SPIDR: variants seen among roughly 807,000 people sequenced by gnomAD.
SPIDR encodes the protein scaffold protein involved in DNA repair.
A neutral mutation model predicts 104.6 loss-of-function variants in SPIDR; 93 were observed. That is an observed-to-expected ratio of 0.89 (90% CI 0.75 to 1.06). SPIDR has a LOEUF of 1.06. Among genes scored for constraint, SPIDR ranks in the 50% least tolerant of loss-of-function variants. The pLI, the probability that SPIDR is intolerant of heterozygous loss-of-function variation, is 0.00. For synonymous variants in SPIDR, 431 were observed against 416.9 expected (o/e 1.03, Z -0.41); for missense variants, 1,154 against 1,111.2 (o/e 1.04, Z -0.55).
At chr8:47,577,985 T>G (rs1001946588) in intron 8 of SPIDR, among the ~76,000 whole-genome samples, 4 of 152,200 alleles carry the variant, frequency 2.6e-5, no homozygotes, top group African/African-American at 9.6e-5. Context: ...GGAAGAGTAG[T>G]GCTGGCAAGA....
At chr8:47,727,506 T>C (rs1053542577) in intron 17 of SPIDR, among the ~76,000 whole-genome samples, 4 of 152,106 alleles carry the variant, frequency 2.6e-5, no homozygotes, top group African/African-American at 7.2e-5. Flanking sequence ...GCTCCTGTTA[T>C]GAGATAGATG....
chr8:47,302,839 G>A (rs1265124655), intron 5 of SPIDR, among the ~76,000 whole-genome samples: 5 of 152,120 alleles, frequency 3.3e-5, no homozygotes, highest in Admixed American at 6.5e-5. Context: ...GGCCATGTGA[G>A]GTGTCAGTCT....
At chr8:47,419,518 T>A (rs1374966899) in intron 7 of SPIDR, among the ~76,000 whole-genome samples, 1 of 152,184 alleles carries the variant, frequency 6.6e-6, no homozygotes, top group Non-Finnish European at 1.5e-5. Context: ...TTTTCTTCTT[T>A]ATTAGTCTTG....
At position 47,493,042 on chromosome 8, in the gene SPIDR, A is replaced by AGTGT. The variant is rs60518877; in HGVS notation, c.1097+52533_1097+52536dup. Among the ~76,000 whole-genome samples, 76 of 140,612 alleles carry AGTGT rather than the reference A, an allele frequency of 5.4e-4. 1 individual carries two copies. The highest frequency in any genetic ancestry group is 1.3e-3 in the African/African-American group (50 of 38,338). 92.2% of individuals were successfully genotyped at this position (140,612 alleles called of 152,430 possible). A position where few individuals can be genotyped will look rare whatever the true frequency, so the allele number is the denominator to read the frequency against. ...GAGAGAGAGAGAGAGAGAGAGAGTG[A>AGTGT]GTGTGTGTGTGTGTGTGTGTGTGTG... On this transcript the variant is annotated intron_variant, in intron 8 of 19. Transcript: ENST00000297423.
At chr8:47,547,830 G>A (rs2089702815) in intron 8 of SPIDR, 1 of 175,028 alleles carries the variant, frequency 5.7e-6, no homozygotes, top group East Asian at 1.8e-4. Context: ...GGGGACTGGG[G>A]GATGGACGAT....
intron 8 of SPIDR, among the ~76,000 whole-genome samples, chr8:47,552,343 G>A (rs1315979075): frequency 2.6e-5 from 4 of 152,084 alleles, no homozygotes; most frequent in East Asian, 1.9e-4. Flanking sequence ...TTTCTGTCAC[G>A]TTGATCTGTC....
At chr8:47,733,998 C>T (rs111946949) in intron 19 of SPIDR, among the ~76,000 whole-genome samples, 1 of 152,184 alleles carries the variant, frequency 6.6e-6, no homozygotes, top group African/African-American at 2.4e-5. Flanking sequence ...CACGAGTTGG[C>T]GTCAGTAGCG....
intron 8 of SPIDR, among the ~76,000 whole-genome samples, chr8:47,470,224 A>G (rs575574872): frequency 6.6e-6 from 1 of 152,288 alleles, no homozygotes; most frequent in South Asian, 2.1e-4. Context: ...ATGGCATAGA[A>G]TAGAGGGCCC....
intron 8 of SPIDR, among the ~76,000 whole-genome samples, chr8:47,468,108 G>T (rs1281112989): frequency 6.6e-6 from 1 of 151,586 alleles, no homozygotes; most frequent in Non-Finnish European, 1.5e-5. Context: ...AATCACACTT[G>T]CCACAAAAAG....
chr8:47,290,015 A>T (rs926171839), intron 3 of SPIDR, among the ~76,000 whole-genome samples: 10 of 152,144 alleles, frequency 6.6e-5, no homozygotes, highest in African/African-American at 2.4e-4. Context: ...AAAAAGTTAC[A>T]TAGTGATTTT....
intron 7 of SPIDR, among the ~76,000 whole-genome samples, chr8:47,437,787 G>A (rs2068640931): frequency 6.6e-6 from 1 of 152,038 alleles, no homozygotes; most frequent in Admixed American, 6.5e-5. Flanking sequence ...TTACACTGTT[G>A]GTGGGACTGT....
intron 7 of SPIDR, among the ~76,000 whole-genome samples, chr8:47,422,969 A>G (rs1385915361): frequency 1.3e-5 from 2 of 152,086 alleles, no homozygotes; most frequent in African/African-American, 2.4e-5. Context: ...ATATCTCAAG[A>G]TTCTTTGTGA....
At chr8:47,296,481 G>A (rs1241969988) in intron 5 of SPIDR, among the ~76,000 whole-genome samples, 2 of 152,252 alleles carry the variant, frequency 1.3e-5, no homozygotes, top group Admixed American at 6.5e-5. Flanking sequence ...TCTTTTGCAT[G>A]TGGTTAACCT....
At chr8:47,318,511 A>G (rs1372063749) in intron 5 of SPIDR, among the ~76,000 whole-genome samples, 7 of 149,720 alleles carry the variant, frequency 4.7e-5, no homozygotes, top group Non-Finnish European at 1.0e-4. Flanking sequence ...CCAAGTTGGA[A>G]AACACTCTGC....
intron 5 of SPIDR, among the ~76,000 whole-genome samples, chr8:47,387,196 C>T (rs912773429): frequency 3.9e-5 from 6 of 152,126 alleles, no homozygotes; most frequent in African/African-American, 7.2e-5. Context: ...CCTGAAAGCA[C>T]GTCAGAAGCG....
chr8:47,349,615 T>C (rs1587486436), intron 5 of SPIDR, among the ~76,000 whole-genome samples: 2 of 152,234 alleles, frequency 1.3e-5, no homozygotes, highest in African/African-American at 4.8e-5. Flanking sequence ...TGAGCTGCAG[T>C]GGGCTCCAGC....
intron 8 of SPIDR, among the ~76,000 whole-genome samples, chr8:47,446,321 G>T (rs1489152831): frequency 6.6e-6 from 1 of 152,036 alleles, no homozygotes; most frequent in Non-Finnish European, 1.5e-5. Flanking sequence ...AATAAAACCT[G>T]GATAACAGCA....
chr8:47,533,744 T>C (rs967820215), intron 8 of SPIDR, among the ~76,000 whole-genome samples: 2 of 152,144 alleles, frequency 1.3e-5, no homozygotes, highest in Non-Finnish European at 2.9e-5. Flanking sequence ...TCAGAATAGC[T>C]ATTATTAAAA....
At chr8:47,411,906 T>C (rs1356299111) in intron 7 of SPIDR, among the ~76,000 whole-genome samples, 1 of 152,228 alleles carries the variant, frequency 6.6e-6, no homozygotes, top group East Asian at 1.9e-4. Context: ...ATTTATTAAA[T>C]AAGGATTCCT....
Sources: gnomAD v4.1 joint callset for allele counts (sites outside exome capture counted in the v4.1 genomes callset) on GRCh38, gnomAD v4.1.1 for gene constraint, MANE v1.5 for transcripts, NCBI Gene and HGNC (gene_info 2026-07-23, HGNC 2026-07-21) for gene names.